The following DAB1 variants were observed in gnomAD, a reference collection of about 807,000 sequenced individuals.
DAB1 encodes DAB adaptor protein 1.
DAB1 carries 15 observed loss-of-function variants against 64.6 expected under a neutral mutation model. The ratio of observed to expected loss-of-function variants is 0.23; its 90% CI spans 0.16 to 0.36. The LOEUF is 0.36. Among genes scored for constraint, DAB1 ranks in the 10% least tolerant of loss-of-function variants. The pLI is 1.00. For missense variants in DAB1, 596 were observed against 706.7 expected (o/e 0.84, Z 1.78); for synonymous variants, 235 against 251.9 (o/e 0.93, Z 0.64).
intron 6 of DAB1, among the ~76,000 whole-genome samples, chr1:57,799,317 C>G (rs1472427384): frequency 6.6e-6 from 1 of 152,154 alleles, no homozygotes; most frequent in African/African-American, 2.4e-5. Flanking sequence ...GCTGTTAGAA[C>G]AGCCCCTTCC....
intron 4 of DAB1, among the ~76,000 whole-genome samples, chr1:58,177,716 C>A (rs1318687105): frequency 6.6e-6 from 1 of 151,656 alleles, no homozygotes; most frequent in African/African-American, 2.4e-5. Context: ...CATCTCATTC[C>A]CGAGAATGAA....
chr1:57,894,753 G>T (rs1644369034), intron 5 of DAB1, among the ~76,000 whole-genome samples: 1 of 152,154 alleles, frequency 6.6e-6, no homozygotes, highest in African/African-American at 2.4e-5. Context: ...AACAGCAAAA[G>T]GGAAAGGATC....
chr1:57,745,685 C>A (rs574420596), intron 6 of DAB1, among the ~76,000 whole-genome samples: 1 of 152,086 alleles, frequency 6.6e-6, no homozygotes, highest in South Asian at 2.1e-4. Context: ...TAAACATTCC[C>A]GAATCAACTG....
At chr1:57,337,883 T>C (rs150740935) in intron 1 of DAB1, among the ~76,000 whole-genome samples, 35 of 47,374 alleles carry the variant, frequency 7.4e-4, no homozygotes, top group African/African-American at 2.2e-3. Context: ...CTCCCCTCCC[T>C]TCCCTTCCCT....
At chr1:57,226,136 C>T (rs1191537494) in intron 2 of DAB1, among the ~76,000 whole-genome samples, 1 of 152,176 alleles carries the variant, frequency 6.6e-6, no homozygotes, top group Non-Finnish European at 1.5e-5. Flanking sequence ...CTTCTCTTCT[C>T]TTCCCAAGCT....
intron 5 of DAB1, among the ~76,000 whole-genome samples, chr1:58,030,967 G>T (rs1184290546): frequency 6.6e-6 from 1 of 152,150 alleles, no homozygotes; most frequent in Non-Finnish European, 1.5e-5. Flanking sequence ...AAATGTTAAG[G>T]GAGTTCCTAA....
chr1:57,765,803 T>C (rs1649285229), intron 6 of DAB1, among the ~76,000 whole-genome samples: 1 of 152,166 alleles, frequency 6.6e-6, no homozygotes, highest in Non-Finnish European at 1.5e-5. Flanking sequence ...TATTTATTTT[T>C]ATTTTTTATG....
At chr1:58,527,921 T>C (rs11207249) in intron 1 of DAB1, among the ~76,000 whole-genome samples, 2,596 of 152,340 alleles carry the variant, frequency 0.017, 73 homozygotes, top group African/African-American at 0.06. Context: ...TTTTCCTAAT[T>C]ACTTGTATTT....
At chr1:57,513,244 T>C (rs1216959426) in intron 7 of DAB1, among the ~76,000 whole-genome samples, 2 of 152,108 alleles carry the variant, frequency 1.3e-5, no homozygotes, top group East Asian at 3.9e-4. Flanking sequence ...GCCTCTGCCC[T>C]AGACCTTCAC....
chr1:57,145,797 T>G (rs991130492), intron 2 of DAB1, among the ~76,000 whole-genome samples: 39 of 152,206 alleles, frequency 2.6e-4, no homozygotes, highest in African/African-American at 9.4e-4. Flanking sequence ...TAAGAGTTCA[T>G]GTCCGAAATT....
chr1:57,721,035 T>C (rs1423743716), intron 6 of DAB1, among the ~76,000 whole-genome samples: 2 of 152,162 alleles, frequency 1.3e-5, no homozygotes, highest in African/African-American at 2.4e-5. Flanking sequence ...TCTGCTGATA[T>C]TGATGTTATA....
intron 10 of DAB1, 50 bp downstream of exon 10, chr1:57,025,931 G>T: frequency 6.9e-7 from 1 of 1,454,650 alleles, no homozygotes; most frequent in Non-Finnish European, 9.3e-7. Context: ...GAGGGGATGT[G>T]TAAAGAAAGG....
intron 1 of DAB1, among the ~76,000 whole-genome samples, chr1:57,416,742 C>T (rs1198018404): frequency 6.6e-6 from 1 of 152,168 alleles, no homozygotes; most frequent in African/African-American, 2.4e-5. Context: ...ACTTAATGAA[C>T]CACAGCAGAC....
chr1:57,733,239 G>GC (rs1481330018), intron 6 of DAB1, among the ~76,000 whole-genome samples: 1 of 151,734 alleles, frequency 6.6e-6, no homozygotes, highest in Non-Finnish European at 1.5e-5. Flanking sequence ...CCATTACTCT[G>GC]CTGAATTTCA....
At chr1:58,520,478 T>C (rs1446887706) in intron 2 of DAB1, among the ~76,000 whole-genome samples, 1 of 152,152 alleles carries the variant, frequency 6.6e-6, no homozygotes, top group African/African-American at 2.4e-5. Flanking sequence ...TGTTCCACAT[T>C]ATATAAATAA....
At chr1:58,536,105 A>G (rs943460364) in intron 1 of DAB1, among the ~76,000 whole-genome samples, 2 of 152,180 alleles carry the variant, frequency 1.3e-5, no homozygotes, top group Admixed American at 6.5e-5. Context: ...GGAAAAGTAC[A>G]GTATGCAGAG....
intron 6 of DAB1, among the ~76,000 whole-genome samples, chr1:57,736,264 G>C (rs1557451222): frequency 6.6e-6 from 1 of 152,146 alleles, no homozygotes; most frequent in South Asian, 2.1e-4. Context: ...AGGGAAGCCA[G>C]AGAACGGTGG....
chr1:57,687,614 A>AAAAAAAAAAAAAAAAAAC (rs1646715931), intron 6 of DAB1, among the ~76,000 whole-genome samples: 1 of 149,994 alleles, frequency 6.7e-6, no homozygotes, highest in Non-Finnish European at 1.5e-5. Flanking sequence ...AAAAAAAAAA[A>AAAAAAAAAAAAAAAAAAC]AAAAAGAAAA....
At chr1:57,616,382 G>A (rs150543522) in intron 7 of DAB1, among the ~76,000 whole-genome samples, 26 of 150,010 alleles carry the variant, frequency 1.7e-4, no homozygotes, top group African/African-American at 5.6e-4. Context: ...TTATGTATTC[G>A]TTTCCTGCAT....
Sources: gnomAD v4.1 joint callset for allele counts (sites outside exome capture counted in the v4.1 genomes callset) on GRCh38, gnomAD v4.1.1 for gene constraint, MANE v1.5 for transcripts, NCBI Gene and HGNC (gene_info 2026-07-23, HGNC 2026-07-21) for gene names.